The following PAIP2 variants were observed in gnomAD, a reference collection of about 807,000 sequenced individuals.
The protein encoded by PAIP2 is polyadenylate-binding protein-interacting protein 2.
Under a neutral mutation model 14.8 loss-of-function variants are expected in PAIP2, and 7 were observed. The observed-to-expected ratio is 0.47, with a 90% confidence interval of 0.27 to 0.89. The LOEUF is 0.89. Ranked by LOEUF, PAIP2 falls within the 40% of genes least tolerant of loss-of-function variation. The pLI, the probability that PAIP2 is intolerant of heterozygous loss-of-function variation, is 0.13. For synonymous variants in PAIP2, 47 were observed against 45.3 expected, an observed-to-expected ratio of 1.04 and a Z score of -0.15; for missense variants, 122 against 154.7, an observed-to-expected ratio of 0.79 and a Z score of 1.12.
chr5:139,368,841 ACT>A lies in PAIP2; in HGVS notation c.*44_*45del, dbSNP rs774202459. On this transcript the variant is annotated 3_prime_UTR_variant, in exon 4 of 4. Coordinates refer to ENST00000265192, the MANE Select transcript of PAIP2 (RefSeq NM_016480.5). ...TTGGTGGATGTAGCACAATTTCCAC[ACT>A]GTGAAGGCAGTATTAGAAGACTTAA... 4 of 1,357,160 alleles carry A rather than the reference ACT, an allele frequency of 2.9e-6. No individual in the cohort carries two copies. In the South Asian group the frequency reaches 4.7e-5, roughly 16 times the overall value. 84.1% of individuals were successfully genotyped at this position (1,357,160 alleles called of 1,614,324 possible).
intron 3 of PAIP2, among the ~76,000 whole-genome samples, chr5:139,366,671 A>G (rs2152056677): frequency 6.6e-6 from 1 of 152,352 alleles, no homozygotes; most frequent in South Asian, 2.1e-4. Context: ...ATCTGGACCC[A>G]GTATAATTCC....
At chr5:139,362,065 C>T (rs1056476439) in intron 1 of PAIP2, among the ~76,000 whole-genome samples, 1 of 151,946 alleles carries the variant, frequency 6.6e-6, no homozygotes, top group Non-Finnish European at 1.5e-5. Flanking sequence ...AGATCCAGAG[C>T]TATATACATG....
intron 3 of PAIP2, 84 bp from the exon 4 acceptor site, chr5:139,368,645 TGGAA>T: frequency 1.1e-6 from 1 of 870,130 alleles, no homozygotes; most frequent in Non-Finnish European, 1.9e-6. Flanking sequence ...TTTTTTTTTT[TGGAA>T]GATGTTTTTG....
intron 1 of PAIP2, among the ~76,000 whole-genome samples, chr5:139,348,534 T>A (rs1179238790): frequency 6.6e-6 from 1 of 151,500 alleles, no homozygotes; most frequent in Non-Finnish European, 1.5e-5. Flanking sequence ...TTTTTTTGTA[T>A]TTTTAGTAGA....
chr5:139,354,474 T>C (rs556627913), intron 1 of PAIP2, among the ~76,000 whole-genome samples: 1 of 152,324 alleles, frequency 6.6e-6, no homozygotes, highest in African/African-American at 2.4e-5. Flanking sequence ...TCGATTGTAA[T>C]GTGTATTGGT....
At chr5:139,365,984 G>A (rs773429855) in intron 3 of PAIP2, among the ~76,000 whole-genome samples, 31 of 152,068 alleles carry the variant, frequency 2.0e-4, no homozygotes, top group Admixed American at 2.0e-3. Flanking sequence ...CGCGGATCAC[G>A]AGGTCAAGAG....
intron 1 of PAIP2, among the ~76,000 whole-genome samples, chr5:139,357,950 A>G (rs951949321): frequency 6.6e-6 from 1 of 152,210 alleles, no homozygotes; most frequent in African/African-American, 2.4e-5. Context: ...TTAAAATACC[A>G]CAGAGGTGTT....
At chr5:139,363,635 C>T (rs1169770226) in intron 1 of PAIP2, 124 bp from the exon 2 acceptor site, 3 of 733,088 alleles carry the variant, frequency 4.1e-6, no homozygotes, top group Non-Finnish European at 6.4e-6. Context: ...GGCAAGAGAT[C>T]GAGGCTGTGG....
At chr5:139,357,087 T>C (rs1756938818) in intron 1 of PAIP2, among the ~76,000 whole-genome samples, 1 of 152,164 alleles carries the variant, frequency 6.6e-6, no homozygotes, top group Non-Finnish European at 1.5e-5. Flanking sequence ...CAGCTAGTGA[T>C]TTGACAGATT....
intron 1 of PAIP2, among the ~76,000 whole-genome samples, chr5:139,353,723 C>CT (rs11371364): frequency 0.54 from 78,525 of 145,724 alleles, 24,137 homozygotes; most frequent in Non-Finnish European, 0.71. Flanking sequence ...ATTGTCTTTT[C>CT]TTTTTTTTTT....
At chr5:139,345,728 T>C (rs1811373) in intron 1 of PAIP2, among the ~76,000 whole-genome samples, 83,028 of 151,040 alleles carry the variant, frequency 0.55, 25,463 homozygotes, top group Non-Finnish European at 0.7. Context: ...CCCGGGTTCA[T>C]GCCATTCTCT....
chr5:139,366,202 CAAAAAAAAA>C (rs1215094572), intron 3 of PAIP2, among the ~76,000 whole-genome samples: 1 of 25,318 alleles, frequency 3.9e-5, no homozygotes, highest in Non-Finnish European at 8.9e-5. Flanking sequence ...GACTCCACCT[CAAAAAAAAA>C]AAAAAAAAAA....
rs542780440 is a variant in PAIP2 at position 139,368,341 on chromosome 5, TA to T, written c.319-382del. The stretch of plus-strand genomic sequence containing the variant: ...GGTGACAGAGTGAGACTCCGTCTCA[TA>T]AAAAAAAAACTAAATAAATAAATAA... On this transcript the variant is annotated intron_variant, in intron 3 of 3. Transcript: ENST00000265192. 1.2e-4 allele frequency among the ~76,000 whole-genome samples: 17 copies of T among 141,360 alleles called. No individual in the cohort carries two copies. The South Asian group carries it at 1.8e-3, about 15-fold the overall frequency. 92.7% of individuals were successfully genotyped at this position (141,360 alleles called of 152,430 possible).
intron 3 of PAIP2, chr5:139,365,138 C>CTATT (rs1368184829): frequency 8.7e-6 from 1 of 115,330 alleles, no homozygotes; most frequent in African/African-American, 3.1e-5. Context: ...GAGTGAAACT[C>CTATT]TATTAAATAA....
rs1011995924 is a variant in PAIP2 at position 139,348,378 on chromosome 5, G to A, written c.-27+6398G>A. ...TAATTTTTTTTTTTTTTTTTGAGAC[G>A]GAGTCTCACTCTGTCGCCCAAGTTG... On this transcript the variant is annotated intron_variant, in intron 1 of 3. Transcript: ENST00000265192. Among the ~76,000 whole-genome samples, 6 of 147,700 alleles carry A rather than the reference G, an allele frequency of 4.1e-5. No individual in the cohort carries two copies. The East Asian group carries it at 6.0e-4, about 15-fold the overall frequency.
intron 3 of PAIP2, 98 bp from the exon 4 acceptor site, chr5:139,368,635 T>C: frequency 2.9e-6 from 1 of 341,714 alleles, no homozygotes. Context: ...TTCTTTTGTC[T>C]TTTTTTTTTT....
At chr5:139,347,115 A>G (rs909302899) in intron 1 of PAIP2, among the ~76,000 whole-genome samples, 3 of 152,082 alleles carry the variant, frequency 2.0e-5, no homozygotes, top group African/African-American at 7.2e-5. Context: ...AGCCTAGAAC[A>G]GGATTTTTAA....
chr5:139,346,289 C>T (rs776152107), intron 1 of PAIP2, among the ~76,000 whole-genome samples: 5 of 152,164 alleles, frequency 3.3e-5, no homozygotes, highest in Non-Finnish European at 7.4e-5. Flanking sequence ...GTCACCAGGC[C>T]GGAGTGCAGT....
intron 1 of PAIP2, among the ~76,000 whole-genome samples, chr5:139,357,966 A>G (rs1160882455): frequency 1.3e-5 from 2 of 152,210 alleles, no homozygotes; most frequent in African/African-American, 4.8e-5. Flanking sequence ...GTGTTTTACC[A>G]GAATTGAACT....
Sources: allele counts gnomAD v4.1 joint callset (sites outside exome capture counted in the v4.1 genomes callset), GRCh38; gene constraint gnomAD v4.1.1; transcripts MANE v1.5; gene names NCBI Gene and HGNC (gene_info 2026-07-23, HGNC 2026-07-21).